The following MTF1 variants were observed in gnomAD, a reference collection of about 807,000 sequenced individuals.
The protein encoded by MTF1 is metal regulatory transcription factor 1.
In MTF1, 22 loss-of-function variants were observed where a neutral mutation model predicts 70.4. The ratio of observed to expected loss-of-function variants is 0.31; its 90% CI spans 0.22 to 0.45. MTF1 has a LOEUF of 0.45. Ranked by LOEUF, MTF1 falls within the 20% of genes least tolerant of loss-of-function variation. MTF1 has a pLI of 1.00. For missense variants in MTF1, 649 were observed against 922.0 expected, an observed-to-expected ratio of 0.70 and a Z score of 3.83; for synonymous variants, 333 against 352.8, an observed-to-expected ratio of 0.94 and a Z score of 0.63.
At chr1:37,854,650 A>G (rs1641463495) in intron 2 of MTF1, among the ~76,000 whole-genome samples, 1 of 152,254 alleles carries the variant, frequency 6.6e-6, no homozygotes, top group African/African-American at 2.4e-5. Context: ...TGTTGCTGAT[A>G]AAATGTAGAC....
At chr1:37,830,169 C>G (rs1483171926) in intron 7 of MTF1, among the ~76,000 whole-genome samples, 3 of 152,282 alleles carry the variant, frequency 2.0e-5, no homozygotes, top group Non-Finnish European at 4.4e-5. Flanking sequence ...ATCTAGACCA[C>G]CCAGTGCAGA....
At position 37,840,474 on chromosome 1, in the gene MTF1, T is replaced by A; in HGVS notation, c.409-316A>T. The A allele has an allele frequency of 2.0e-6, 1 of 488,746 alleles. No individual in the cohort carries two copies. Among genetic ancestry groups the A allele is most frequent in the South Asian group, 1.5e-5 (1 of 64,640 alleles). The allele number at this position is 488,746 out of a possible 1,614,324, so 30.3% of individuals were successfully genotyped here. Reference sequence around the variant, plus strand: ...CACTATACTGTTACAGCTACCTGTATTCAGATAAGATCTTAACTTTGTTTT... The same window carrying A: ...CACTATACTGTTACAGCTACCTGTAATCAGATAAGATCTTAACTTTGTTTT... On this transcript the variant is annotated intron_variant, in intron 2 of 10. Coordinates refer to ENST00000373036, the MANE Select transcript of MTF1 (RefSeq NM_005955.3). This position sits in a 1 kb window ranked among gnomAD's most constrained non-coding sequence, Gnocchi z 4.5.
chr1:37,844,241 G>A (rs1641299705), intron 2 of MTF1, among the ~76,000 whole-genome samples: 1 of 152,166 alleles, frequency 6.6e-6, no homozygotes, highest in African/African-American at 2.4e-5. Context: ...ATAAGCAACA[G>A]TACACTCTTA....
intron 2 of MTF1, among the ~76,000 whole-genome samples, chr1:37,854,860 G>A (rs1641466795): frequency 6.6e-6 from 1 of 152,190 alleles, no homozygotes; most frequent in Non-Finnish European, 1.5e-5. Flanking sequence ...AGGAGTTCGA[G>A]ATCAGCCTGA....
rs2148397712 is a variant in MTF1 at position 37,815,640 on chromosome 1, A to T, written c.1832-74T>A. ...GAGCATGAGGGACAGGGATACATGG[A>T]CTAGGTGAGAGCAGAGTGCCATGGG... is the stretch of plus-strand genomic sequence containing the variant. On this transcript the variant is annotated intron_variant, in intron 10 of 10. Coordinates refer to ENST00000373036, the MANE Select transcript of MTF1 (RefSeq NM_005955.3). The surrounding 1 kb of genome is among the most constrained non-coding windows in gnomAD (Gnocchi z 4.5). 8.3e-7 allele frequency: 1 copy of T among 1,203,360 alleles called. No individual in the cohort carries two copies. The highest frequency in any genetic ancestry group is 1.5e-5 in the South Asian group (1 of 65,056). 74.5% of individuals were successfully genotyped at this position (1,203,360 alleles called of 1,614,324 possible). A position where few individuals can be genotyped will look rare whatever the true frequency, so the allele number is the denominator to read the frequency against.
rs775046371 is a variant in MTF1 at position 37,822,131 on chromosome 1, T to C, written c.1757A>G (p.Gln586Arg). The change falls in exon 9 of 11, where the codon CAA becomes CGA. Residue 586 changes from glutamine to arginine, a missense_variant. Around this residue, in one of 7 missense-constraint regions of MTF1, gnomAD observed 39 missense variants for 97.8 expected, o/e 0.40. Transcript: ENST00000373036. The part of the protein sequence containing the change: ...LNGATSSPQN[Q>R]EQIQQASKVE... ...ATACATAATACTTACAATTTGTTCT[T>C]GGTTTTGTGGAGAACTGGTGGCACC... is the stretch of plus-strand genomic sequence containing the variant. 6.3e-7 allele frequency: 1 copy of C among 1,595,894 alleles called. No individual in the cohort carries two copies. Among genetic ancestry groups the C allele is most frequent in the African/African-American group, 1.3e-5 (1 of 74,600 alleles).
Position 37,815,662 on chromosome 1 carries a change from T to C in MTF1, c.1832-96A>G. On this transcript the variant is annotated intron_variant, in intron 10 of 10. Transcript: ENST00000373036. This position sits in a 1 kb window ranked among gnomAD's most constrained non-coding sequence, Gnocchi z 4.5. ...TGGACTAGGTGAGAGCAGAGTGCCA[T>C]GGGAACCATGGGAAGGATGGTTGCC... 4 of 907,828 alleles carry C rather than the reference T, an allele frequency of 4.4e-6. No homozygotes were observed. The Admixed American group carries it at 7.6e-5, about 17-fold the overall frequency. 56.2% of individuals were successfully genotyped at this position (907,828 alleles called of 1,614,324 possible).
chr1:37,844,071 C>A (rs1641297135), intron 2 of MTF1, among the ~76,000 whole-genome samples: 1 of 152,206 alleles, frequency 6.6e-6, no homozygotes, highest in African/African-American at 2.4e-5. Context: ...TCATTTGTTG[C>A]CAGATTAAGT....
rs61778082 is a variant in MTF1 at position 37,840,684 on chromosome 1, T to C, written c.409-526A>G. Among the ~76,000 whole-genome samples, 14,555 of 152,242 alleles carry C rather than the reference T, an allele frequency of 0.096. 869 individuals are homozygous for C. The highest frequency in any genetic ancestry group is 0.24 in the Middle Eastern group (70 of 292). ...AACATATTGCAAATTTCTTGGAAGA[T>C]TTGGTGATGTGATAATTCTCAAACT... On this transcript the variant is annotated intron_variant, in intron 2 of 10. Transcript: ENST00000373036. The surrounding 1 kb of genome is among the most constrained non-coding windows in gnomAD (Gnocchi z 4.5).
At chr1:37,854,168 C>T (rs567093331) in intron 2 of MTF1, among the ~76,000 whole-genome samples, 4 of 152,224 alleles carry the variant, frequency 2.6e-5, no homozygotes, top group Non-Finnish European at 5.9e-5. Flanking sequence ...CCACCACGCC[C>T]GGCTAATTTT....
Position 37,832,316 on chromosome 1 carries a change from T to C in MTF1, c.997A>G (p.Asn333Asp). ...LPQHNGSEDT[N>D]HSLCLSDLSL... ...AAGTCACTTAGACAAAGTGAGTGATTTGTATCCTGTGAAAGAGAAAAAATT... is the reference window on the plus strand; with the variant it reads ...AAGTCACTTAGACAAAGTGAGTGATCTGTATCCTGTGAAAGAGAAAAAATT... The change falls in exon 7 of 11, where the codon AAT becomes GAT. Residue 333 changes from asparagine to aspartate, a missense_variant. By Grantham distance (23) the Asn-to-Asp change is conservative (BLOSUM62 1). Transcript: ENST00000373036. 2 of 1,609,966 alleles carry C rather than the reference T, an allele frequency of 1.2e-6. No homozygotes were observed. The highest frequency in any genetic ancestry group is 1.7e-6 in the Non-Finnish European group (2 of 1,177,270).
intron 7 of MTF1, among the ~76,000 whole-genome samples, chr1:37,826,286 CT>C (rs1446167746): frequency 1.3e-5 from 2 of 152,208 alleles, no homozygotes; most frequent in East Asian, 3.9e-4. Flanking sequence ...AGCAATTCTT[CT>C]TTTCCCCCCC....
intron 2 of MTF1, among the ~76,000 whole-genome samples, chr1:37,855,108 A>G (rs1394796369): frequency 6.6e-6 from 1 of 152,154 alleles, no homozygotes; most frequent in African/African-American, 2.4e-5. Context: ...TCATATAATC[A>G]AAGGTGACTA....
intron 9 of MTF1, among the ~76,000 whole-genome samples, chr1:37,821,281 T>C (rs1159707884): frequency 6.6e-6 from 1 of 152,042 alleles, no homozygotes; most frequent in African/African-American, 2.4e-5. Flanking sequence ...CTAAAAATAA[T>C]GTACGTAGGT....
rs1423146223 is a variant in MTF1, at chr1:37,813,162, C to T, written c.*1974G>A. On this transcript the variant is annotated 3_prime_UTR_variant, in exon 11 of 11. Coordinates refer to ENST00000373036, the MANE Select transcript of MTF1 (RefSeq NM_005955.3). The stretch of plus-strand genomic sequence containing the variant: ...AGGCGTGGTGGCGCATGCCTGTAAT[C>T]CCAGCTACTCGGGAGGCTGAGGCAG... 1.3e-5 allele frequency: 2 copies of T among 152,374 alleles called. No individual in the cohort carries two copies. Among genetic ancestry groups the T allele is most frequent in the East Asian group, 3.9e-4 (2 of 5,182 alleles). 9.4% of individuals were successfully genotyped at this position (152,374 alleles called of 1,614,324 possible). A position where few individuals can be genotyped will look rare whatever the true frequency, so the allele number is the denominator to read the frequency against.
intron 2 of MTF1, among the ~76,000 whole-genome samples, chr1:37,850,977 A>G (rs1487069845): frequency 6.6e-6 from 1 of 152,206 alleles, no homozygotes; most frequent in East Asian, 1.9e-4. Flanking sequence ...CGAAAGGAAA[A>G]GGAGTAAGGA....
rs544585880 is a variant in MTF1, at chr1:37,844,917, A to C, written c.409-4759T>G. 5.9e-5 allele frequency among the ~76,000 whole-genome samples: 9 copies of C among 152,326 alleles called. No individual in the cohort carries two copies. The South Asian group carries it at 6.2e-4, about 11-fold the overall frequency. On this transcript the variant is annotated intron_variant, in intron 2 of 10. Coordinates refer to ENST00000373036, the MANE Select transcript of MTF1 (RefSeq NM_005955.3). ...AGAGCTTCCTGTAAAGCACATGATA[A>C]AATTAAGATGCAATAATTACCTGAT...
chr1:37,838,572 A>T, intron 4 of MTF1, 53 bp downstream of exon 4: 1 of 1,539,872 alleles, frequency 6.5e-7, no homozygotes, highest in Non-Finnish European at 8.9e-7. Flanking sequence ...AGAGTATATC[A>T]AGACCCCCAG....
At position 37,812,211 on chromosome 1, in the gene MTF1, A is replaced by G. The variant is rs972663417; in HGVS notation, c.*2925T>C. 1 of 152,234 alleles carries G rather than the reference A, an allele frequency of 6.6e-6. No individual in the cohort carries two copies. The highest frequency in any genetic ancestry group is 6.5e-5 in the Admixed American group (1 of 15,282). The allele number at this position is 152,234 out of a possible 1,614,324, so 9.4% of individuals were successfully genotyped here. A position where few individuals can be genotyped will look rare whatever the true frequency, so the allele number is the denominator to read the frequency against. On this transcript the variant is annotated 3_prime_UTR_variant, in exon 11 of 11. Coordinates refer to ENST00000373036, the MANE Select transcript of MTF1 (RefSeq NM_005955.3). ...CTAGGTTCATTTCCCAAGTTTGGGA[A>G]ACCACACTCACCATGAAGGTTCTTT... is the stretch of plus-strand genomic sequence containing the variant.
Sources: allele counts gnomAD v4.1 joint callset (sites outside exome capture counted in the v4.1 genomes callset), GRCh38; gene constraint gnomAD v4.1.1; regional missense constraint gnomAD v4.1.1; non-coding constraint Gnocchi (gnomAD v3.1); transcripts MANE v1.5; gene names NCBI Gene and HGNC (gene_info 2026-07-23, HGNC 2026-07-21).